DENND2B: variants seen among roughly 807,000 people sequenced by gnomAD.
DENND2B encodes DENN domain-containing protein 2B.
In DENND2B, 32 loss-of-function variants were observed where a neutral mutation model predicts 116.0. The ratio of observed to expected loss-of-function variants is 0.28; its 90% CI spans 0.21 to 0.37. DENND2B has a LOEUF of 0.37. Ranked by LOEUF, DENND2B falls within the 10% of genes least tolerant of loss-of-function variation. The pLI, the probability that DENND2B is intolerant of heterozygous loss-of-function variation, is 1.00. For synonymous variants in DENND2B, 588 were observed against 583.9 expected (o/e 1.01, Z -0.10); for missense variants, 1,276 against 1,477.7 (o/e 0.86, Z 2.24).
intron 1 of DENND2B, among the ~76,000 whole-genome samples, chr11:8,794,192 C>T (rs1302413441): frequency 6.6e-6 from 1 of 152,196 alleles, no homozygotes; most frequent in Non-Finnish European, 1.5e-5. Context: ...TGCCTGCCTG[C>T]TAATGTGAAA....
chr11:8,799,074 A>T (rs2060080974), intron 1 of DENND2B, among the ~76,000 whole-genome samples: 1 of 152,306 alleles, frequency 6.6e-6, no homozygotes, highest in South Asian at 2.1e-4. Flanking sequence ...CACCCACTTC[A>T]GCCTCCTAAA....
intron 1 of DENND2B, among the ~76,000 whole-genome samples, chr11:8,798,465 C>T (rs761866116): frequency 6.6e-6 from 1 of 152,118 alleles, no homozygotes; most frequent in Non-Finnish European, 1.5e-5. Context: ...ATCCCAACCC[C>T]CCCAATGACA....
At chr11:8,865,526 G>GTTCCCTTCCT (rs1221950942) in intron 2 of DENND2B, among the ~76,000 whole-genome samples, 1 of 152,000 alleles carries the variant, frequency 6.6e-6, no homozygotes, top group Admixed American at 6.6e-5. Context: ...AGGAAGGGAA[G>GTTCCCTTCCT]GAAAGGATGG....
intron 1 of DENND2B, among the ~76,000 whole-genome samples, chr11:8,758,478 C>T (rs1465993280): frequency 6.6e-6 from 1 of 152,196 alleles, no homozygotes; most frequent in Non-Finnish European, 1.5e-5. Flanking sequence ...TGCTTGCTTT[C>T]TCCTCATTTC....
chr11:8,707,060 G>A lies in DENND2B; in HGVS notation c.2571+25C>T. The A allele has an allele frequency of 6.2e-7, 1 of 1,604,012 alleles. No individual in the cohort carries two copies. The highest frequency in any genetic ancestry group is 8.5e-7 in the Non-Finnish European group (1 of 1,173,538). On this transcript the variant is annotated intron_variant, in intron 13 of 19. Transcript: ENST00000313726. The surrounding 1 kb of genome is among the most constrained non-coding windows in gnomAD (Gnocchi z 4.8). Reference sequence around the variant, plus strand: ...CCTGCCACCCCAGCCCGTAGCCCGAGAGAAGAGGGTGCAGAAATCCCTACC... The same window carrying A: ...CCTGCCACCCCAGCCCGTAGCCCGAAAGAAGAGGGTGCAGAAATCCCTACC...
intron 1 of DENND2B, among the ~76,000 whole-genome samples, chr11:8,909,442 AAGG>A (rs369562667): frequency 1.9e-3 from 113 of 59,910 alleles, no homozygotes; most frequent in East Asian, 3.3e-3. Context: ...GAGGAGGAAG[AAGG>A]AGAAGGAGAA....
intron 4 of DENND2B, among the ~76,000 whole-genome samples, chr11:8,821,294 G>A (rs192186789): frequency 5.5e-4 from 84 of 151,448 alleles, no homozygotes; most frequent in South Asian, 1.5e-3. Flanking sequence ...TTTATAACAC[G>A]TTTTTTATTT....
At chr11:8,906,205 CTTTTTTTTT>C (rs34217164) in intron 1 of DENND2B, among the ~76,000 whole-genome samples, 1 of 93,300 alleles carries the variant, frequency 1.1e-5, no homozygotes, top group African/African-American at 3.5e-5. Context: ...TCTTTTTTTT[CTTTTTTTTT>C]TTTTTTTTTG....
At chr11:8,791,668 G>A (rs1243575257) in intron 1 of DENND2B, among the ~76,000 whole-genome samples, 1 of 151,974 alleles carries the variant, frequency 6.6e-6, no homozygotes, top group African/African-American at 2.4e-5. Flanking sequence ...TTGGGAGGCT[G>A]AGGCATGAGA....
chr11:8,870,767 G>T (rs944972539), intron 2 of DENND2B: 1 of 152,282 alleles, frequency 6.6e-6, no homozygotes, highest in African/African-American at 2.4e-5. Flanking sequence ...GCTACTGACC[G>T]CCCGGGAGGG....
At chr11:8,722,753 T>G (rs143698800) in intron 4 of DENND2B, among the ~76,000 whole-genome samples, 2,181 of 152,210 alleles carry the variant, frequency 0.014, 25 homozygotes, top group Middle Eastern at 0.061. Context: ...AACTGCAGAC[T>G]CCGGAAACCA....
At chr11:8,766,737 A>ATTAT in intron 1 of DENND2B, 1 of 1,231,684 alleles carries the variant, frequency 8.1e-7, no homozygotes, top group Non-Finnish European at 1.1e-6. Flanking sequence ...TGTTGATACA[A>ATTAT]TAGTCAACTG....
intron 1 of DENND2B, among the ~76,000 whole-genome samples, chr11:8,775,282 C>T (rs766677400): frequency 6.6e-6 from 1 of 152,080 alleles, no homozygotes; most frequent in Non-Finnish European, 1.5e-5. Flanking sequence ...AAATCACTCA[C>T]AAGAATGTCA....
intron 1 of DENND2B, among the ~76,000 whole-genome samples, chr11:8,773,289 C>T (rs903884700): frequency 3.3e-5 from 5 of 152,036 alleles, no homozygotes; most frequent in Admixed American, 3.3e-4. Flanking sequence ...CGGCCAGGGC[C>T]CACAGCAGCG....
chr11:8,839,134 TA>T (rs2062535630), intron 4 of DENND2B, among the ~76,000 whole-genome samples: 1 of 152,098 alleles, frequency 6.6e-6, no homozygotes, highest in African/African-American at 2.4e-5. Context: ...TGCAACATGA[TA>T]AGGTACACAG....
At position 8,730,868 on chromosome 11, in the gene DENND2B, G is replaced by A. The variant is rs757430136; in HGVS notation, c.422C>T (p.Pro141Leu). 92 of 1,613,536 alleles carry A rather than the reference G, an allele frequency of 5.7e-5. 1 individual carries two copies. In the South Asian group the frequency reaches 9.7e-4, roughly 17 times the overall value. Residue 141 changes from proline to leucine, a missense_variant, in exon 3 of 20, where the codon CCG (proline) becomes CTG (leucine). Physicochemically the swap from Pro to Leu is moderately conservative, Grantham distance 98 (BLOSUM62 -3). Coordinates refer to ENST00000313726, the MANE Select transcript of DENND2B (RefSeq NM_213618.2). The surrounding 1 kb of genome is among the most constrained non-coding windows in gnomAD (Gnocchi z 4.1). The stretch of plus-strand genomic sequence containing the variant: ...GCCCCGGGGGCCAGCTGCTGGCCCC[G>A]GGAATGGCGTGCTCTGGGCAAGGGG... ...CLPLAQSTPF[P>L]GPAAGPRGVL...
intron 1 of DENND2B, among the ~76,000 whole-genome samples, chr11:8,890,904 C>A (rs1009762893): frequency 6.6e-6 from 1 of 152,148 alleles, no homozygotes; most frequent in East Asian, 1.9e-4. Context: ...CACAAAGATA[C>A]TCCTCGAGAA....
intron 2 of DENND2B, among the ~76,000 whole-genome samples, chr11:8,750,065 T>C (rs2052073842): frequency 6.6e-6 from 1 of 152,246 alleles, no homozygotes; most frequent in African/African-American, 2.4e-5. Context: ...AGATAACTAC[T>C]ATTATTATTT....
intron 1 of DENND2B, among the ~76,000 whole-genome samples, chr11:8,807,040 T>C (rs1250040717): frequency 6.6e-6 from 1 of 151,790 alleles, no homozygotes. Flanking sequence ...CAGCCTGCCC[T>C]AAACACACCC....
Sources: allele counts gnomAD v4.1 joint callset (sites outside exome capture counted in the v4.1 genomes callset), GRCh38; gene constraint gnomAD v4.1.1; non-coding constraint Gnocchi (gnomAD v3.1); transcripts MANE v1.5; gene names NCBI Gene and HGNC (gene_info 2026-07-23, HGNC 2026-07-21).